The following FYB2 variants were observed in gnomAD, a reference collection of about 807,000 sequenced individuals.
FYB2 encodes the protein FYN-binding protein 2.
A neutral mutation model predicts 94.1 loss-of-function variants in FYB2; 103 were observed. The observed-to-expected ratio is 1.09, with a 90% CI of 0.93 to 1.29. The LOEUF (loss-of-function observed/expected upper bound fraction) is 1.29. Among genes scored for constraint, FYB2 ranks in the 50% most tolerant of loss-of-function variants. FYB2 has a pLI of 0.00. For synonymous variants in FYB2, 293 were observed against 287.9 expected (o/e 1.02, Z -0.18); for missense variants, 896 against 841.5 (o/e 1.06, Z -0.80).
intron 16 of FYB2, among the ~76,000 whole-genome samples, chr1:56,725,213 A>C (rs1474238433): frequency 2.0e-5 from 3 of 152,084 alleles, no homozygotes; most frequent in Non-Finnish European, 4.4e-5. Context: ...TTATAGCAAC[A>C]CAAACAGACT....
rs781577601 is a variant in FYB2 at position 56,789,030 on chromosome 1, C to T, written c.862G>A (p.Val288Met). 1.5e-5 allele frequency: 25 copies of T among 1,613,902 alleles called. No individual in the cohort carries two copies. In the East Asian group the frequency reaches 3.6e-4, roughly 23 times the overall value. Residue 288 changes from valine to methionine, a missense_variant, in exon 3 of 20, where the codon GTG (valine) becomes ATG (methionine). Transcript: ENST00000343433. ...TGCCTCTGAAAGGCCTGGAGGTTCACGATGGGAGGTCTTGAAGGCTTTGGG... is the reference window on the plus strand; with the variant it reads ...TGCCTCTGAAAGGCCTGGAGGTTCATGATGGGAGGTCTTGAAGGCTTTGGG... ...PPPKPSRPPI[V>M]NLQAFQRQPA...
chr1:56,815,175 C>T (rs1488832820), intron 1 of FYB2, among the ~76,000 whole-genome samples: 1 of 152,068 alleles, frequency 6.6e-6, no homozygotes, highest in Non-Finnish European at 1.5e-5. Flanking sequence ...CAACTATCAC[C>T]CTGCCATATT....
intron 9 of FYB2, among the ~76,000 whole-genome samples, chr1:56,745,761 C>T (rs910997778): frequency 3.3e-5 from 5 of 152,102 alleles, no homozygotes; most frequent in African/African-American, 1.2e-4. Context: ...TTTTAAAAAT[C>T]TCATTTATGG....
At chr1:56,767,174 G>A (rs1316950175) in intron 5 of FYB2, among the ~76,000 whole-genome samples, 4 of 152,196 alleles carry the variant, frequency 2.6e-5, no homozygotes, top group African/African-American at 7.2e-5. Flanking sequence ...GCACTAAAAT[G>A]TGTGCCTTTT....
intron 4 of FYB2, among the ~76,000 whole-genome samples, chr1:56,781,038 T>C (rs998898556): frequency 6.6e-6 from 1 of 152,194 alleles, no homozygotes; most frequent in African/African-American, 2.4e-5. Context: ...GAGGCTGTTT[T>C]GTTGTTCGTC....
intron 15 of FYB2, among the ~76,000 whole-genome samples, chr1:56,736,759 C>A (rs886671176): frequency 1.3e-5 from 2 of 152,036 alleles, no homozygotes; most frequent in Admixed American, 1.3e-4. Context: ...TGAATACAGA[C>A]GTTCTGTCAC....
chr1:56,750,159 G>T (rs145730935), intron 9 of FYB2, among the ~76,000 whole-genome samples: 1 of 152,082 alleles, frequency 6.6e-6, no homozygotes, highest in Non-Finnish European at 1.5e-5. Context: ...ATCATGAATT[G>T]CAATGTAAGG....
At chr1:56,759,849 A>G (rs1645445947) in intron 5 of FYB2, among the ~76,000 whole-genome samples, 1 of 152,094 alleles carries the variant, frequency 6.6e-6, no homozygotes, top group Admixed American at 6.6e-5. Flanking sequence ...TAGGGAGGCC[A>G]AGGCAGGTGG....
rs185637652 is a variant in FYB2 at position 56,809,966 on chromosome 1, C to A, written c.9+9316G>T. Among the ~76,000 whole-genome samples the A allele has an allele frequency of 1.3e-5, 2 of 151,926 alleles. 1 individual carries two copies. The highest frequency in any genetic ancestry group is 1.3e-4 in the Admixed American group (2 of 15,254). ...GCCTGGTGCCTGACACAAAGCAAAC[C>A]CACGATAATGATATTTTGTTGAAGA... is the stretch of plus-strand genomic sequence containing the variant. On this transcript the variant is annotated intron_variant, in intron 1 of 19. Transcript: ENST00000343433.
At chr1:56,769,211 C>T (rs1474317386) in intron 4 of FYB2, among the ~76,000 whole-genome samples, 3 of 151,890 alleles carry the variant, frequency 2.0e-5, no homozygotes, top group African/African-American at 7.3e-5. Flanking sequence ...GATAATTTTT[C>T]TGTGTGTTTG....
intron 3 of FYB2, among the ~76,000 whole-genome samples, chr1:56,787,761 A>C (rs558285005): frequency 2.0e-5 from 3 of 152,318 alleles, no homozygotes; most frequent in African/African-American, 7.2e-5. Flanking sequence ...TGAGTTCAGA[A>C]GCTGGGATCT....
intron 16 of FYB2, among the ~76,000 whole-genome samples, chr1:56,724,862 G>A (rs1328473385): frequency 6.6e-6 from 1 of 152,006 alleles, no homozygotes; most frequent in African/African-American, 2.4e-5. Context: ...GGTCCCTAAT[G>A]TTGGAGGTGG....
intron 6 of FYB2, 75 bp downstream of exon 6, chr1:56,758,641 A>T: frequency 8.3e-7 from 1 of 1,199,292 alleles, no homozygotes; most frequent in Non-Finnish European, 1.2e-6. Context: ...TTTCCCTCTA[A>T]AAGATACTAC....
chr1:56,793,048 G>A (rs999585910), intron 1 of FYB2, among the ~76,000 whole-genome samples: 8 of 152,138 alleles, frequency 5.3e-5, no homozygotes, highest in African/African-American at 1.9e-4. Flanking sequence ...CTCCAGGGAT[G>A]TTTAATTTTC....
At chr1:56,779,442 G>A (rs1001624834) in intron 4 of FYB2, among the ~76,000 whole-genome samples, 2 of 152,156 alleles carry the variant, frequency 1.3e-5, no homozygotes, top group Non-Finnish European at 2.9e-5. Flanking sequence ...AGGATCTCAT[G>A]TGAGTCCCCG....
intron 16 of FYB2, among the ~76,000 whole-genome samples, 160 bp from the exon 17 acceptor site, chr1:56,723,841 G>GTATAT (rs1644533641): frequency 6.9e-6 from 1 of 145,576 alleles, no homozygotes; most frequent in Non-Finnish European, 1.5e-5. Context: ...CTGTATTTGT[G>GTATAT]TATATGTACA....
chr1:56,721,676 A>G (rs1644488507), intron 17 of FYB2, among the ~76,000 whole-genome samples: 1 of 151,994 alleles, frequency 6.6e-6, no homozygotes, highest in Non-Finnish European at 1.5e-5. Flanking sequence ...CCATCCCTCT[A>G]TCTTTGTCCC....
At chr1:56,768,985 A>G (rs991090945) in intron 4 of FYB2, among the ~76,000 whole-genome samples, 1 of 152,128 alleles carries the variant, frequency 6.6e-6, no homozygotes, top group South Asian at 2.1e-4. Context: ...TAGAGGCTGA[A>G]AAGTAGACTA....
Position 56,718,964 on chromosome 1 carries a change from A to AATT in FYB2, c.*704_*706dup, listed in dbSNP as rs1195287449. ...ATTTGGGCATAGACAAAATAATGAC[A>AATT]ATTGTTCTTATTTTGGACAAAAAGA... On this transcript the variant is annotated 3_prime_UTR_variant, in exon 20 of 20. Transcript: ENST00000343433. 4 of 152,580 alleles carry AATT rather than the reference A, an allele frequency of 2.6e-5. No homozygotes were observed. In the South Asian group the frequency reaches 6.2e-4, roughly 24 times the overall value. 9.5% of individuals were successfully genotyped at this position (152,580 alleles called of 1,614,324 possible).
Sources: allele counts gnomAD v4.1 joint callset (sites outside exome capture counted in the v4.1 genomes callset), GRCh38; gene constraint gnomAD v4.1.1; transcripts MANE v1.5; gene names NCBI Gene and HGNC (gene_info 2026-07-23, HGNC 2026-07-21).